CCSER1: variants seen among roughly 807,000 people sequenced by gnomAD.
CCSER1 encodes the protein serine-rich coiled-coil domain-containing protein 1.
In CCSER1, 41 loss-of-function variants were observed where a neutral mutation model predicts 82.0. That is an observed-to-expected ratio of 0.50 (90% CI 0.39 to 0.65). The LOEUF (loss-of-function observed/expected upper bound fraction) is 0.65. Among genes scored for constraint, CCSER1 ranks in the 30% least tolerant of loss-of-function variants. The probability of loss-of-function intolerance (pLI) is 0.00; values close to 1 mark genes in which losing one functional copy is unlikely to be tolerated. For missense variants in CCSER1, 1,119 were observed against 1,064.2 expected (o/e 1.05, Z -0.72); for synonymous variants, 414 against 383.9 (o/e 1.08, Z -0.92).
intron 10 of CCSER1, among the ~76,000 whole-genome samples, chr4:91,402,927 T>G (rs1201603630): frequency 2.0e-5 from 3 of 152,226 alleles, no homozygotes; most frequent in African/African-American, 7.2e-5. Flanking sequence ...TCCAATTCTG[T>G]GAAGAAAGTC....
chr4:90,616,413 G>A (rs1031927262), intron 5 of CCSER1, among the ~76,000 whole-genome samples: 19 of 152,126 alleles, frequency 1.2e-4, no homozygotes, highest in African/African-American at 4.6e-4. Flanking sequence ...GGGTGTAGTG[G>A]CTCACACCTG....
chr4:90,915,143 G>A (rs1030250243), intron 8 of CCSER1, among the ~76,000 whole-genome samples: 1 of 152,124 alleles, frequency 6.6e-6, no homozygotes, highest in Non-Finnish European at 1.5e-5. Context: ...GAAAAAGAGG[G>A]AATCCTCCCT....
At chr4:90,372,168 T>A (rs1028365550) in intron 3 of CCSER1, among the ~76,000 whole-genome samples, 4 of 152,070 alleles carry the variant, frequency 2.6e-5, no homozygotes, top group African/African-American at 4.8e-5. Context: ...AAATTCCTCC[T>A]GGGAAAAAAT....
intron 10 of CCSER1, among the ~76,000 whole-genome samples, chr4:91,560,035 CTGAT>C (rs1193451747): frequency 2.0e-5 from 3 of 151,228 alleles, no homozygotes; most frequent in Non-Finnish European, 4.4e-5. Context: ...AGTAGGTAAA[CTGAT>C]TGGATAATGA....
chr4:90,756,494 A>G (rs1225624533), intron 7 of CCSER1, among the ~76,000 whole-genome samples: 1 of 152,198 alleles, frequency 6.6e-6, no homozygotes, highest in Non-Finnish European at 1.5e-5. Flanking sequence ...GTTAGCCAGT[A>G]AGAAAGTCTT....
chr4:90,782,874 G>T (rs1462776116), intron 7 of CCSER1, among the ~76,000 whole-genome samples: 1 of 151,630 alleles, frequency 6.6e-6, no homozygotes, highest in African/African-American at 2.4e-5. Context: ...TAGAGATGGG[G>T]TTTCACCGTG....
At chr4:90,900,196 A>G (rs1304430306) in intron 8 of CCSER1, among the ~76,000 whole-genome samples, 1 of 146,886 alleles carries the variant, frequency 6.8e-6, no homozygotes, top group Non-Finnish European at 1.5e-5. Flanking sequence ...CAATTTTTAG[A>G]GGTGGTGCAG....
intron 10 of CCSER1, among the ~76,000 whole-genome samples, chr4:91,541,145 T>C (rs1383301057): frequency 6.6e-6 from 1 of 152,226 alleles, no homozygotes. Context: ...AGTGAGTTCT[T>C]GAAAGTTTTG....
intron 6 of CCSER1, among the ~76,000 whole-genome samples, chr4:90,648,284 GGAAAGAAAGAAAGAAAGAAAGAAAGAAA>G (rs564907502): frequency 1.1e-5 from 1 of 89,956 alleles, no homozygotes; most frequent in East Asian, 2.9e-4. Context: ...GAGAAAGAAA[GGAAAGAAAGAAAGAAAGAAAGAAAGAAA>G]GAAAGAAAGA....
intron 10 of CCSER1, among the ~76,000 whole-genome samples, chr4:91,322,860 G>C (rs1009009496): frequency 2.0e-5 from 3 of 152,038 alleles, no homozygotes; most frequent in Non-Finnish European, 4.4e-5. Context: ...ATAAGAAAAG[G>C]GGCTTTTTGA....
chr4:90,988,299 C>T (rs1415078954), intron 9 of CCSER1, among the ~76,000 whole-genome samples: 1 of 128,734 alleles, frequency 7.8e-6, no homozygotes, highest in Admixed American at 8.7e-5. Context: ...TGCAGCACTA[C>T]ACTCTAGCCT....
At chr4:90,754,559 T>C (rs759378261) in intron 7 of CCSER1, among the ~76,000 whole-genome samples, 2 of 152,162 alleles carry the variant, frequency 1.3e-5, no homozygotes, top group Non-Finnish European at 2.9e-5. Context: ...TTTTGTGTCA[T>C]TCAAGATACA....
At chr4:91,595,932 C>G (rs1197090539) in intron 10 of CCSER1, among the ~76,000 whole-genome samples, 1 of 79,588 alleles carries the variant, frequency 1.3e-5, no homozygotes, top group Non-Finnish European at 2.3e-5. Context: ...TAGTAAATAT[C>G]ACAGAGAACT....
intron 5 of CCSER1, among the ~76,000 whole-genome samples, chr4:90,534,441 TTGTGTGTGTG>T (rs376987549): frequency 0.027 from 3,650 of 136,446 alleles, 88 homozygotes; most frequent in African/African-American, 0.059. Context: ...TGCCAGCCTT[TTGTGTGTGTG>T]TGTGTGTGTG....
chr4:90,243,272 G>A (rs916505197), intron 1 of CCSER1, among the ~76,000 whole-genome samples: 1 of 151,434 alleles, frequency 6.6e-6, no homozygotes, highest in African/African-American at 2.4e-5. Context: ...TTTTTGAGAT[G>A]GAGTCTCGCT....
rs76021651 is a variant in CCSER1, at chr4:91,364,730, A to G, written c.2218-233842A>G. Among the ~76,000 whole-genome samples, 939 of 152,194 alleles carry G rather than the reference A, an allele frequency of 6.2e-3. 14 individuals are homozygous for G. Among genetic ancestry groups the G allele is most frequent in the African/African-American group, 0.021 (877 of 41,568 alleles). On this transcript the variant is annotated intron_variant, in intron 10 of 10. Transcript: ENST00000509176. ...CTCTGGTTACCTGTCCTTTGTGGAA[A>G]GATTAATTATTTTCTATTATTCATT...
intron 1 of CCSER1, among the ~76,000 whole-genome samples, chr4:90,175,914 G>A (rs1256623684): frequency 6.6e-6 from 1 of 151,944 alleles, no homozygotes; most frequent in Non-Finnish European, 1.5e-5. Context: ...AACAAAATGG[G>A]AGATATATTA....
chr4:91,209,886 C>G (rs1399674622), intron 10 of CCSER1, among the ~76,000 whole-genome samples: 3 of 151,668 alleles, frequency 2.0e-5, no homozygotes, highest in Non-Finnish European at 4.4e-5. Flanking sequence ...TACATATACT[C>G]TATATTCTGC....
intron 10 of CCSER1, among the ~76,000 whole-genome samples, chr4:91,295,981 A>C (rs945035051): frequency 2.6e-5 from 4 of 151,970 alleles, no homozygotes; most frequent in Non-Finnish European, 5.9e-5. Context: ...TGCCTTCTAT[A>C]AGTATAGCGG....
Sources: gnomAD v4.1 joint callset for allele counts (sites outside exome capture counted in the v4.1 genomes callset) on GRCh38, gnomAD v4.1.1 for gene constraint, MANE v1.5 for transcripts, NCBI Gene and HGNC (gene_info 2026-07-23, HGNC 2026-07-21) for gene names.